The following DLG2 variants were observed in gnomAD, a reference collection of about 807,000 sequenced individuals.
DLG2 encodes the protein discs large MAGUK scaffold protein 2, also known as disks large homolog 2.
A neutral mutation model predicts 132.5 loss-of-function variants in DLG2; 45 were observed. That is an observed-to-expected ratio of 0.34 (90% CI 0.27 to 0.44). The LOEUF (loss-of-function observed/expected upper bound fraction) is 0.44, where lower values mean the gene tolerates loss of function less well. Among genes scored for constraint, DLG2 ranks in the 20% least tolerant of loss-of-function variants. DLG2 has a pLI of 1.00. For missense variants in DLG2, 1,045 were observed against 1,196.9 expected (o/e 0.87, Z 1.87); for synonymous variants, 424 against 419.6 (o/e 1.01, Z -0.13).
intron 7 of DLG2, among the ~76,000 whole-genome samples, chr11:84,503,691 T>C (rs2099229363): frequency 6.6e-6 from 1 of 152,186 alleles, no homozygotes; most frequent in Admixed American, 6.5e-5. Flanking sequence ...TGATAGATGG[T>C]CCTTAAGAAA....
At chr11:84,270,783 C>G (rs2097710774) in intron 7 of DLG2, among the ~76,000 whole-genome samples, 1 of 152,080 alleles carries the variant, frequency 6.6e-6, no homozygotes. Context: ...TTAACGACAT[C>G]AATATGTGAC....
chr11:85,003,222 A>G (rs1014588299), intron 6 of DLG2, among the ~76,000 whole-genome samples: 2 of 152,136 alleles, frequency 1.3e-5, no homozygotes, highest in Admixed American at 6.6e-5. Context: ...AAGTGTATGA[A>G]AGTGTCAAGA....
intron 7 of DLG2, among the ~76,000 whole-genome samples, chr11:84,305,880 T>G (rs2098212407): frequency 6.6e-6 from 1 of 152,148 alleles, no homozygotes; most frequent in African/African-American, 2.4e-5. Context: ...GTCAAGTAAT[T>G]TGCACAAATA....
chr11:85,262,184 C>T (rs1344349723), intron 4 of DLG2, among the ~76,000 whole-genome samples: 2 of 152,098 alleles, frequency 1.3e-5, no homozygotes, highest in African/African-American at 4.8e-5. Flanking sequence ...ACCTAGAGGC[C>T]AGGATTTCTG....
rs554570649 is a variant in DLG2 at position 84,013,562 on chromosome 11, G to C, written c.920-32920C>G. ...ACCTCTTTAATAGCCTACAGCAATAGTAGTATTACATAACAGAAGTCTCCA... is the reference window on the plus strand; with the variant it reads ...ACCTCTTTAATAGCCTACAGCAATACTAGTATTACATAACAGAAGTCTCCA... On this transcript the variant is annotated intron_variant, in intron 11 of 27. Transcript: ENST00000376104. 1.2e-4 allele frequency among the ~76,000 whole-genome samples: 18 copies of C among 152,146 alleles called. No individual in the cohort carries two copies. The South Asian group carries it at 2.7e-3, about 23-fold the overall frequency.
At chr11:83,802,744 TAAAGA>T (rs1374879220) in intron 17 of DLG2, among the ~76,000 whole-genome samples, 3 of 152,224 alleles carry the variant, frequency 2.0e-5, no homozygotes, top group African/African-American at 7.2e-5. Context: ...ATTGCTAAAT[TAAAGA>T]AAAGCAAGCT....
chr11:84,260,227 G>C (rs138637204), intron 7 of DLG2, among the ~76,000 whole-genome samples: 3 of 152,164 alleles, frequency 2.0e-5, no homozygotes, highest in Non-Finnish European at 4.4e-5. Flanking sequence ...AAAAAATTGA[G>C]TCATTAGCTC....
intron 6 of DLG2, among the ~76,000 whole-genome samples, chr11:84,749,413 A>G (rs533746063): frequency 1.3e-5 from 2 of 152,196 alleles, no homozygotes; most frequent in Non-Finnish European, 2.9e-5. Flanking sequence ...TGCATATAAG[A>G]TAGTGGTCTC....
intron 2 of DLG2, among the ~76,000 whole-genome samples, chr11:85,613,795 G>A (rs1366750572): frequency 6.6e-6 from 1 of 152,226 alleles, no homozygotes; most frequent in Non-Finnish European, 1.5e-5. Context: ...CTTCCACGCT[G>A]TAGAAGCTTT....
chr11:83,812,010 T>C lies in DLG2; in HGVS notation c.1722+21604A>G, dbSNP rs559550319. 1.1e-4 allele frequency among the ~76,000 whole-genome samples: 16 copies of C among 152,244 alleles called. No homozygotes were observed. The South Asian group carries it at 3.1e-3, about 30-fold the overall frequency. On this transcript the variant is annotated intron_variant, in intron 17 of 27. Transcript: ENST00000376104. ...AAAATGAAGACAAGAATATGTATGC[T>C]GGGGTTCAGGTTTTCAAAACAAGCT...
At chr11:84,122,668 C>T (rs2093984515) in intron 9 of DLG2, among the ~76,000 whole-genome samples, 1 of 152,154 alleles carries the variant, frequency 6.6e-6, no homozygotes, top group Admixed American at 6.5e-5. Flanking sequence ...TGTTTATAAG[C>T]TGAATAAACT....
At position 83,991,583 on chromosome 11, in the gene DLG2, C is replaced by T. The variant is rs1458072737; in HGVS notation, c.920-10941G>A. On this transcript the variant is annotated intron_variant, in intron 11 of 27. Transcript: ENST00000376104. ...AGTATTCAGTTCCTTAGCCTCAATG[C>T]TTTTCTTCTTTTATGGATTTGGCCA... 2.0e-5 allele frequency among the ~76,000 whole-genome samples: 3 copies of T among 151,836 alleles called. No homozygotes were observed. The East Asian group carries it at 5.8e-4, about 29-fold the overall frequency.
chr11:84,572,298 T>G (rs2099487278), intron 6 of DLG2, among the ~76,000 whole-genome samples: 1 of 152,122 alleles, frequency 6.6e-6, no homozygotes, highest in Admixed American at 6.6e-5. Context: ...CTATTATCTA[T>G]CTCTTGAAAA....
chr11:84,819,098 C>CACACACACACACACACAT (rs1252505432), intron 6 of DLG2, among the ~76,000 whole-genome samples: 61 of 148,714 alleles, frequency 4.1e-4, no homozygotes, highest in Non-Finnish European at 7.2e-4. Flanking sequence ...CACACACACA[C>CACACACACACACACACAT]ACACACACAA....
chr11:84,195,131 C>T (rs1194872451), intron 8 of DLG2, among the ~76,000 whole-genome samples: 1 of 152,072 alleles, frequency 6.6e-6, no homozygotes, highest in Non-Finnish European at 1.5e-5. Context: ...AGCACACTGT[C>T]ACCTCTCACT....
chr11:84,445,372 T>C (rs1241353734), intron 7 of DLG2, among the ~76,000 whole-genome samples: 4 of 152,152 alleles, frequency 2.6e-5, no homozygotes, highest in African/African-American at 7.2e-5. Flanking sequence ...AACTGAATGA[T>C]AGTAGACTAG....
rs77296280 is a variant in DLG2, at chr11:84,711,668, G to A, written c.358-176937C>T. ...TCAATGCATCAGCTCAAAGCAGGCA[G>A]GCAGGAGGAGCTCCCTCTTACTCAG... On this transcript the variant is annotated intron_variant, in intron 6 of 27. Coordinates refer to ENST00000376104, the MANE Select transcript of DLG2 (RefSeq NM_001142699.3). Among the ~76,000 whole-genome samples, 434 of 152,118 alleles carry A rather than the reference G, an allele frequency of 2.9e-3. 5 individuals carry two copies. The highest frequency in any genetic ancestry group is 0.01 in the African/African-American group (423 of 41,532).
chr11:84,438,186 A>C (rs1043528586), intron 7 of DLG2, among the ~76,000 whole-genome samples: 3 of 152,220 alleles, frequency 2.0e-5, no homozygotes, highest in Non-Finnish European at 4.4e-5. Context: ...CATTTGGTCC[A>C]AGGAATATCA....
intron 6 of DLG2, among the ~76,000 whole-genome samples, chr11:84,777,870 T>C (rs1250445112): frequency 6.6e-6 from 1 of 152,176 alleles, no homozygotes; most frequent in Non-Finnish European, 1.5e-5. Context: ...GTTGGATGAA[T>C]AGTTTATAAA....
Sources: gnomAD v4.1 joint callset for allele counts (sites outside exome capture counted in the v4.1 genomes callset) on GRCh38, gnomAD v4.1.1 for gene constraint, MANE v1.5 for transcripts, NCBI Gene and HGNC (gene_info 2026-07-23, HGNC 2026-07-21) for gene names.